The following ERC1 variants were observed in gnomAD, a reference collection of about 807,000 sequenced individuals.
The protein encoded by ERC1 is RAB6 interacting protein 2.
In ERC1, 56 loss-of-function variants were observed where a neutral mutation model predicts 132.0. The observed-to-expected ratio is 0.42, with a 90% confidence interval of 0.34 to 0.53. ERC1 has a LOEUF of 0.53. ERC1 is among the 20% of genes least tolerant of loss of function. ERC1 has a pLI of 0.03. For synonymous variants in ERC1, 478 were observed against 476.1 expected (o/e 1.00, Z -0.05); for missense variants, 1,202 against 1,349.9 (o/e 0.89, Z 1.72).
chr12:1,096,697 TA>T (rs1565956557), intron 3 of ERC1, among the ~76,000 whole-genome samples: 5 of 152,210 alleles, frequency 3.3e-5, no homozygotes, highest in African/African-American at 1.2e-4. Flanking sequence ...TAAGAGATTT[TA>T]AAAACTCTTT....
chr12:1,385,468 A>G (rs2154380138), intron 16 of ERC1, among the ~76,000 whole-genome samples: 1 of 152,170 alleles, frequency 6.6e-6, no homozygotes, highest in Admixed American at 6.5e-5. Flanking sequence ...TATTTTTAGT[A>G]GAGACGGGGG....
chr12:1,163,843 G>C (rs993886001), intron 8 of ERC1, among the ~76,000 whole-genome samples: 5 of 152,128 alleles, frequency 3.3e-5, no homozygotes, highest in African/African-American at 9.7e-5. Flanking sequence ...AGCCTCCCTA[G>C]TAGCTGGGAT....
chr12:1,196,913 C>CT (rs1956337658), intron 12 of ERC1, among the ~76,000 whole-genome samples: 2 of 9,818 alleles, frequency 2.0e-4, no homozygotes, highest in Non-Finnish European at 3.8e-4. Context: ...TCTACACACA[C>CT]ACACACACAC....
At chr12:1,104,856 A>G (rs1945076490) in intron 4 of ERC1, 32 bp downstream of exon 4, 1 of 1,442,916 alleles carries the variant, frequency 6.9e-7, no homozygotes, top group Non-Finnish European at 9.8e-7. Context: ...AATCTTATGA[A>G]TTACCTTATA....
intron 15 of ERC1, among the ~76,000 whole-genome samples, chr12:1,364,292 A>T (rs1319706925): frequency 6.6e-6 from 1 of 152,160 alleles, no homozygotes; most frequent in South Asian, 2.1e-4. Flanking sequence ...AGAATCTTCT[A>T]ATCTCTCCTC....
chr12:1,076,204 T>C (rs1268055596), intron 2 of ERC1, among the ~76,000 whole-genome samples: 1 of 152,184 alleles, frequency 6.6e-6, no homozygotes, highest in Non-Finnish European at 1.5e-5. Context: ...GTGCTTCGTA[T>C]AGTACAACTA....
chr12:1,408,295 T>C, intron 17 of ERC1, 48 bp downstream of exon 17: 3 of 1,402,780 alleles, frequency 2.1e-6, no homozygotes. Context: ...ACACTTAAAT[T>C]TTGAAATGTT....
intron 17 of ERC1, among the ~76,000 whole-genome samples, chr12:1,408,784 A>G (rs1049869177): frequency 6.6e-6 from 1 of 152,240 alleles, no homozygotes; most frequent in Non-Finnish European, 1.5e-5. Flanking sequence ...TGTTGCCTTC[A>G]ACTTCTCATC....
At chr12:1,255,621 C>CTTTTGTTTTTTTTTTTTT (rs1566399460) in intron 13 of ERC1, among the ~76,000 whole-genome samples, 1 of 61,558 alleles carries the variant, frequency 1.6e-5, no homozygotes, top group African/African-American at 6.0e-5. Flanking sequence ...GCTTCCTGGC[C>CTTTTGTTTTTTTTTTTTT]TTTTTTTTTT....
intron 7 of ERC1, among the ~76,000 whole-genome samples, chr12:1,140,349 C>T (rs751568555): frequency 3.3e-5 from 5 of 152,060 alleles, no homozygotes; most frequent in Non-Finnish European, 5.9e-5. Flanking sequence ...ATTGGATATC[C>T]CTTACCTAAA....
In ERC1 at chr12:1,384,766, T is replaced by C. The variant is rs1000136175; in HGVS notation, c.2925+12789T>C. ...ATACTAAAACAGTATTTGTGGTAGTTGGTTTTCAGGGTAGAGATGCTTAAA... is the reference window on the plus strand; with the variant it reads ...ATACTAAAACAGTATTTGTGGTAGTCGGTTTTCAGGGTAGAGATGCTTAAA... On this transcript the variant is annotated intron_variant, in intron 16 of 18. Transcript: ENST00000360905. Among the ~76,000 whole-genome samples the C allele has an allele frequency of 7.2e-5, 11 of 152,220 alleles. No individual in the cohort carries two copies. The East Asian group carries it at 2.1e-3, about 29-fold the overall frequency.
chr12:1,427,010 G>T (rs760559049), intron 17 of ERC1, among the ~76,000 whole-genome samples: 8 of 152,210 alleles, frequency 5.3e-5, no homozygotes, highest in Non-Finnish European at 1.0e-4. Context: ...ACTACAGGCA[G>T]ATATATATAC....
intron 3 of ERC1, among the ~76,000 whole-genome samples, chr12:1,091,191 A>C (rs896453255): frequency 2.6e-5 from 4 of 152,198 alleles, no homozygotes; most frequent in African/African-American, 9.6e-5. Context: ...ACCCAGCCCC[A>C]TTTTTATTAT....
intron 2 of ERC1, among the ~76,000 whole-genome samples, chr12:1,046,701 A>T (rs1472275757): frequency 6.6e-6 from 1 of 152,192 alleles, no homozygotes; most frequent in Non-Finnish European, 1.5e-5. Flanking sequence ...GCCCTGTTTT[A>T]TGTGCTCTAT....
chr12:1,026,379 G>T lies in ERC1; in HGVS notation c.-156-1369G>T, dbSNP rs143041175. On this transcript the variant is annotated intron_variant, in intron 1 of 18. Transcript: ENST00000360905. ...AAGGTGAGATTTGAGTGGGGACACA[G>T]CCAAACCATATCACTCACTGTTTGG... Among the ~76,000 whole-genome samples, 2 of 152,164 alleles carry T rather than the reference G, an allele frequency of 1.3e-5. 1 individual carries two copies. The highest frequency in any genetic ancestry group is 4.1e-4 in the South Asian group (2 of 4,826).
intron 1 of ERC1, among the ~76,000 whole-genome samples, chr12:1,008,082 G>A (rs1301883774): frequency 2.6e-5 from 4 of 152,210 alleles, no homozygotes; most frequent in Admixed American, 6.5e-5. Context: ...ACAGTATTCT[G>A]TTGTGTGATA....
At chr12:1,347,202 TAGTC>T (rs2084560450) in intron 15 of ERC1, among the ~76,000 whole-genome samples, 2 of 152,194 alleles carry the variant, frequency 1.3e-5, no homozygotes, top group Admixed American at 1.3e-4. Flanking sequence ...GTATGCTTAT[TAGTC>T]AGTGTAAAAT....
At chr12:1,234,148 C>T (rs922966381) in intron 12 of ERC1, among the ~76,000 whole-genome samples, 5 of 152,054 alleles carry the variant, frequency 3.3e-5, no homozygotes, top group Non-Finnish European at 5.9e-5. Flanking sequence ...GAGACCTAAA[C>T]AAATAGATAA....
chr12:1,472,804 A>T (rs1331183614), intron 18 of ERC1, among the ~76,000 whole-genome samples: 1 of 152,210 alleles, frequency 6.6e-6, no homozygotes, highest in Non-Finnish European at 1.5e-5. Context: ...CACTTATTAC[A>T]TGCCAGGCAT....
Sources: allele counts gnomAD v4.1 joint callset (sites outside exome capture counted in the v4.1 genomes callset), GRCh38; gene constraint gnomAD v4.1.1; transcripts MANE v1.5; gene names NCBI Gene and HGNC (gene_info 2026-07-23, HGNC 2026-07-21).